Variants in ATAD2 observed in about 807,000 individuals in gnomAD.
ATAD2 encodes the protein ATPase family AAA domain containing 2.
Under a neutral mutation model 168.9 loss-of-function variants are expected in ATAD2, and 62 were observed. The observed-to-expected ratio is 0.37, with a 90% CI of 0.30 to 0.45. ATAD2 has a LOEUF of 0.45. Among genes scored for constraint, ATAD2 ranks in the 20% least tolerant of loss-of-function variants. ATAD2 has a pLI of 1.00. For missense variants in ATAD2, 1,419 were observed against 1,667.8 expected (o/e 0.85, Z 2.60); for synonymous variants, 613 against 571.6 (o/e 1.07, Z -1.03).
chr8:123,349,280 C>A lies in ATAD2; in HGVS notation c.1806+5G>T. On this transcript the variant is annotated splice_donor_5th_base_variant and intron_variant, in intron 14 of 27. Transcript: ENST00000287394. ...GTCAAAATTTGAGTGACATTAAATT[C>A]TTACCTCTTTATCAGGCAGGCTAAA... The A allele has an allele frequency of 6.2e-7, 1 of 1,611,240 alleles. No homozygotes were observed. The highest frequency in any genetic ancestry group is 8.5e-7 in the Non-Finnish European group (1 of 1,179,256).
chr8:123,359,599 T>C lies in ATAD2; in HGVS notation c.1244A>G (p.Asp415Gly). 1 of 1,612,682 alleles carries C rather than the reference T, an allele frequency of 6.2e-7. No homozygotes were observed. Among genetic ancestry groups the C allele is most frequent in the Non-Finnish European group, 8.5e-7 (1 of 1,179,034 alleles). ...CACTGAAGAATCTAGTTGCATTGGA[T>C]CAACATCGGCAAGGCTTGCTCCAAT... The part of the protein sequence containing the change: ...MKIGASLADV[D>G]PMQLDSSVRF... The change falls in exon 10 of 28, where the codon GAT (aspartate) becomes GGT (glycine). Residue 415 changes from aspartate to glycine, a missense_variant. Physicochemically the swap from Asp to Gly is moderately conservative, Grantham distance 94 (BLOSUM62 -1). Transcript: ENST00000287394.
chr8:123,375,594 A>G (rs1429288478), intron 2 of ATAD2, among the ~76,000 whole-genome samples: 5 of 152,226 alleles, frequency 3.3e-5, no homozygotes, highest in African/African-American at 1.2e-4. Flanking sequence ...TAATGGCCAA[A>G]AAGTAGACAA....
At chr8:123,397,243 A>G (rs924825235), upstream of ATAD2, among the ~76,000 whole-genome samples, 259 of 147,224 alleles carry the variant, frequency 1.8e-3, 3 homozygotes, top group Middle Eastern at 0.017. Context: ...TCTGTCTCAA[A>G]AAAAAAAAAA....
Position 123,321,056 on chromosome 8 carries a change from C to T in ATAD2, c.*78G>A. 1 of 1,257,220 alleles carries T rather than the reference C, an allele frequency of 8.0e-7. No homozygotes were observed. Among genetic ancestry groups the T allele is most frequent in the South Asian group, 1.3e-5 (1 of 77,724 alleles). The allele number at this position is 1,257,220 out of a possible 1,614,324, so 77.9% of individuals were successfully genotyped here. A position where few individuals can be genotyped will look rare whatever the true frequency, so the allele number is the denominator to read the frequency against. On this transcript the variant is annotated 3_prime_UTR_variant, in exon 28 of 28. Transcript: ENST00000287394. ...TTCCTTAAAGATGCAGGGTTTCATA[C>T]TACATCAATTAGGCGGACATGACAA...
At chr8:123,334,127 T>G in intron 23 of ATAD2, 73 bp downstream of exon 23, 4 of 1,540,934 alleles carry the variant, frequency 2.6e-6, no homozygotes, top group Non-Finnish European at 3.5e-6. Context: ...TTTCAGATGC[T>G]TCTGAAATTC....
intron 1 of ATAD2, among the ~76,000 whole-genome samples, chr8:123,403,144 C>T (rs1349909940): frequency 6.6e-6 from 1 of 152,184 alleles, no homozygotes; most frequent in African/African-American, 2.4e-5. Context: ...GGCTGGAGTG[C>T]AGTGGTGGGA....
chr8:123,327,103 TTCACC>T (rs1368087215), intron 25 of ATAD2, among the ~76,000 whole-genome samples: 3 of 152,072 alleles, frequency 2.0e-5, no homozygotes, highest in Non-Finnish European at 4.4e-5. Flanking sequence ...GAGACAGGGT[TTCACC>T]ATATAGGCCA....
In ATAD2 at chr8:123,357,688, G is replaced by A. The variant is rs1198376648; in HGVS notation, c.1431C>T (p.Ala477=). 6 of 1,613,044 alleles carry A rather than the reference G, an allele frequency of 3.7e-6. No homozygotes were observed. The South Asian group carries it at 4.4e-5, about 12-fold the overall frequency. Residue 477 remains alanine, a synonymous_variant, in exon 12 of 28, where the codon GCC becomes GCT. Transcript: ENST00000287394. ...GACTGCACTCATTGGCAAGTGCTCT[G>A]GCAACCAGAGTCTTTCCAGTTCCAG... ...GPPGTGKTLV[A]RALANECSQG... is the part of the protein sequence containing the mutation.
intron 1 of ATAD2, chr8:123,416,161 C>G (rs934098091): frequency 1.3e-5 from 2 of 152,256 alleles, no homozygotes; most frequent in East Asian, 1.9e-4. Context: ...ACCTCCACTC[C>G]CCTCTTCTCT....
rs911568394 is a variant in ATAD2 at position 123,380,572 on chromosome 8, C to T, written c.277G>A (p.Val93Met). The change falls in exon 2 of 28, where the codon GTG becomes ATG. Residue 93 changes from valine (V) to methionine (M), a missense_variant. By Grantham distance (21) the Val-to-Met change is conservative (BLOSUM62 1). Transcript: ENST00000287394. The stretch of plus-strand genomic sequence containing the variant: ...TTAGCAAGTTGCTCCGTTATTTCCA[C>T]ATTCTTCTCAAAACTAGAATCTGAA... ...NSSDSSFEKN[V>M]EITEQLANGR... The T allele has an allele frequency of 2.5e-6, 4 of 1,613,902 alleles. No individual in the cohort carries two copies. The highest frequency in any genetic ancestry group is 2.7e-5 in the African/African-American group (2 of 74,926).
upstream of ATAD2, among the ~76,000 whole-genome samples, chr8:123,398,680 T>G (rs1292500392): frequency 6.6e-6 from 1 of 151,928 alleles, no homozygotes; most frequent in Non-Finnish European, 1.5e-5. Flanking sequence ...CCTGGCTAAT[T>G]TGTTTTTAGA....
chr8:123,355,819 T>C (rs1342643394), intron 13 of ATAD2, among the ~76,000 whole-genome samples: 1 of 152,202 alleles, frequency 6.6e-6, no homozygotes, highest in Non-Finnish European at 1.5e-5. Context: ...TACTAGTGGC[T>C]TAACATCACT....
chr8:123,330,611 C>G (rs538152193), intron 24 of ATAD2, among the ~76,000 whole-genome samples: 210 of 152,316 alleles, frequency 1.4e-3, no homozygotes, highest in Middle Eastern at 6.8e-3. Context: ...ATCCGCCCAC[C>G]CTGGCCTCCC....
At chr8:123,392,122 T>C (rs1829840426) in intron 1 of ATAD2, among the ~76,000 whole-genome samples, 1 of 152,062 alleles carries the variant, frequency 6.6e-6, no homozygotes, top group Admixed American at 6.6e-5. Context: ...CTCTTTAGAG[T>C]AAGAACAATC....
chr8:123,396,609 A>T, upstream of ATAD2: 1 of 511,886 alleles, frequency 2.0e-6, no homozygotes, highest in Non-Finnish European at 3.4e-6. Flanking sequence ...ACAGGCCGAC[A>T]GTATAGAGGA....
intron 24 of ATAD2, among the ~76,000 whole-genome samples, chr8:123,329,633 G>A (rs966995982): frequency 1.2e-4 from 18 of 151,494 alleles, no homozygotes; most frequent in Admixed American, 6.6e-4. Flanking sequence ...CATGGTGGCC[G>A]GTGCCTGCAG....
At chr8:123,331,704 T>TA (rs1489390234) in intron 24 of ATAD2, among the ~76,000 whole-genome samples, 2 of 152,228 alleles carry the variant, frequency 1.3e-5, no homozygotes, top group Non-Finnish European at 2.9e-5. Context: ...CCAGCATTAC[T>TA]AGTGGCACCT....
chr8:123,369,208 T>A, intron 7 of ATAD2, 33 bp from the exon 8 acceptor site: 5 of 689,840 alleles, frequency 7.2e-6, no homozygotes, highest in Non-Finnish European at 7.8e-6. Context: ...TATATTTGTA[T>A]ATATATATAT....
At chr8:123,322,008 T>C (rs1827483233) in intron 27 of ATAD2, among the ~76,000 whole-genome samples, 1 of 149,704 alleles carries the variant, frequency 6.7e-6, no homozygotes, top group Admixed American at 6.6e-5. Context: ...TTTTTTGTCA[T>C]ACAGAGTCTT....
Sources: allele counts gnomAD v4.1 joint callset (sites outside exome capture counted in the v4.1 genomes callset), GRCh38; gene constraint gnomAD v4.1.1; transcripts MANE v1.5; gene names NCBI Gene and HGNC (gene_info 2026-07-23, HGNC 2026-07-21).